The following TPD52L1 variants were observed in gnomAD, a reference collection of about 807,000 sequenced individuals.
TPD52L1 encodes the protein TPD52 like 1, also known as tumor protein D53.
TPD52L1 carries 18 observed loss-of-function variants against 28.7 expected under a neutral mutation model. The ratio of observed to expected loss-of-function variants is 0.63; its 90% confidence interval spans 0.43 to 0.93. The LOEUF (loss-of-function observed/expected upper bound fraction) is 0.93. Ranked by LOEUF, TPD52L1 falls within the 40% of genes least tolerant of loss-of-function variation. TPD52L1 has a pLI of 0.00. For missense variants in TPD52L1, 203 were observed against 254.8 expected, an observed-to-expected ratio of 0.80 and a Z score of 1.39; for synonymous variants, 75 against 88.8, an observed-to-expected ratio of 0.84 and a Z score of 0.88.
chr6:125,240,245 A>C (rs1796540678), intron 3 of TPD52L1, among the ~76,000 whole-genome samples: 1 of 152,196 alleles, frequency 6.6e-6, no homozygotes, highest in Non-Finnish European at 1.5e-5. Flanking sequence ...TATAGTTTGA[A>C]GTCTGGTAAT....
intron 1 of TPD52L1, among the ~76,000 whole-genome samples, chr6:125,172,548 AT>A (rs1562214892): frequency 2.8e-4 from 28 of 100,766 alleles, no homozygotes; most frequent in Admixed American, 3.5e-4. Flanking sequence ...ATATATATAT[AT>A]ATAATATATA....
chr6:125,254,213 A>T (rs1797453982), intron 5 of TPD52L1, among the ~76,000 whole-genome samples: 1 of 152,230 alleles, frequency 6.6e-6, no homozygotes, highest in South Asian at 2.1e-4. Flanking sequence ...TAGGATTTTT[A>T]AGGTGGATAT....
intron 4 of TPD52L1, among the ~76,000 whole-genome samples, chr6:125,249,130 T>C (rs1044582009): frequency 6.6e-6 from 1 of 150,982 alleles, no homozygotes; most frequent in African/African-American, 2.4e-5. Context: ...TTATATACAA[T>C]ATTATATACA....
intron 3 of TPD52L1, among the ~76,000 whole-genome samples, chr6:125,234,667 A>G (rs1192404054): frequency 6.6e-6 from 1 of 152,214 alleles, no homozygotes; most frequent in Non-Finnish European, 1.5e-5. Flanking sequence ...TTGTCAAGTC[A>G]ATCAAGGTAT....
At position 125,242,245 on chromosome 6, in the gene TPD52L1, G is replaced by A. The variant is rs181620273; in HGVS notation, c.285-6037G>A. On this transcript the variant is annotated intron_variant, in intron 3 of 6. Transcript: ENST00000534000. The stretch of plus-strand genomic sequence containing the variant: ...TATCTTAGAGAATGTTTCATGTGCT[G>A]ATGAAAAGAGTGTATACTGCAATTG... Among the ~76,000 whole-genome samples, 6 of 152,150 alleles carry A rather than the reference G, an allele frequency of 3.9e-5. No homozygotes were observed. In the East Asian group the frequency reaches 1.2e-3, roughly 29 times the overall value.
intron 1 of TPD52L1, among the ~76,000 whole-genome samples, chr6:125,177,496 A>G (rs1287441286): frequency 6.6e-6 from 1 of 152,194 alleles, no homozygotes; most frequent in East Asian, 1.9e-4. Context: ...AGCTGTAAGC[A>G]CTTGAGGGAT....
intron 1 of TPD52L1, among the ~76,000 whole-genome samples, chr6:125,163,088 T>G (rs1056626522): frequency 6.6e-6 from 1 of 152,152 alleles, no homozygotes; most frequent in African/African-American, 2.4e-5. Flanking sequence ...CTTGACATGG[T>G]GTCATCTTTT....
At chr6:125,185,190 A>C (rs554982) in intron 1 of TPD52L1, among the ~76,000 whole-genome samples, 44,216 of 152,094 alleles carry the variant, frequency 0.29, 6,572 homozygotes, top group Admixed American at 0.4. Context: ...ATGCAGGAAG[A>C]ATTGATTAAT....
chr6:125,243,870 C>G (rs1796766092), intron 3 of TPD52L1, among the ~76,000 whole-genome samples: 1 of 152,032 alleles, frequency 6.6e-6, no homozygotes, highest in African/African-American at 2.4e-5. Flanking sequence ...TTATAGAACC[C>G]TGGTTTGTTT....
chr6:125,185,484 AC>A (rs1378670587), intron 1 of TPD52L1, among the ~76,000 whole-genome samples: 1 of 152,164 alleles, frequency 6.6e-6, no homozygotes, highest in Non-Finnish European at 1.5e-5. Context: ...TTAAAATATA[AC>A]CAAAAATTTT....
rs150300217 is a variant in TPD52L1, at chr6:125,254,200, C to G, written c.425+445C>G. ...AAGGCTAAAGTTCTAGAGAGGATATCATTAGGATTTTTAAGGTGGATATTA... is the reference window on the plus strand; with the variant it reads ...AAGGCTAAAGTTCTAGAGAGGATATGATTAGGATTTTTAAGGTGGATATTA... On this transcript the variant is annotated intron_variant, in intron 5 of 6. Transcript: ENST00000534000. 1.7e-3 allele frequency among the ~76,000 whole-genome samples: 252 copies of G among 152,252 alleles called. 1 individual carries two copies. The highest frequency in any genetic ancestry group is 0.015 in the East Asian group (78 of 5,188).
At position 125,220,223 on chromosome 6, in the gene TPD52L1, T is replaced by G. The variant is rs1462374749; in HGVS notation, c.135+30T>G. The G allele has an allele frequency of 2.9e-6, 4 of 1,387,344 alleles. No individual in the cohort carries two copies. The Admixed American group carries it at 6.7e-5, about 23-fold the overall frequency. 85.9% of individuals were successfully genotyped at this position (1,387,344 alleles called of 1,614,324 possible). On this transcript the variant is annotated intron_variant, in intron 2 of 6. Coordinates refer to ENST00000534000, the MANE Select transcript of TPD52L1 (RefSeq NM_003287.4). ...GTTTAGTAATCTTATTGTTGCTATTTCTATCTCTGGATCTTAAGAGTTATT... is the reference window on the plus strand; with the variant it reads ...GTTTAGTAATCTTATTGTTGCTATTGCTATCTCTGGATCTTAAGAGTTATT...
chr6:125,252,047 C>A (rs1344325555), intron 4 of TPD52L1: 8 of 1,535,986 alleles, frequency 5.2e-6, no homozygotes, highest in Non-Finnish European at 7.0e-6. Flanking sequence ...GTAAGCGCCA[C>A]AGGGCTGCGT....
chr6:125,164,214 G>A (rs1183086239), intron 1 of TPD52L1, among the ~76,000 whole-genome samples: 4 of 152,100 alleles, frequency 2.6e-5, no homozygotes, highest in Non-Finnish European at 4.4e-5. Context: ...GGCTTTAAAC[G>A]GGCAGAATTT....
chr6:125,198,797 C>T (rs1200651893), intron 1 of TPD52L1, among the ~76,000 whole-genome samples: 1 of 152,052 alleles, frequency 6.6e-6, no homozygotes, highest in African/African-American at 2.4e-5. Flanking sequence ...CGAGACAGTG[C>T]TGATTGCCAC....
At chr6:125,211,580 C>T (rs1347998189) in intron 1 of TPD52L1, among the ~76,000 whole-genome samples, 1 of 152,146 alleles carries the variant, frequency 6.6e-6, no homozygotes, top group Non-Finnish European at 1.5e-5. Context: ...TTCCCTGATC[C>T]ACTCTCATCC....
chr6:125,214,482 A>C (rs1276385410), intron 1 of TPD52L1: 1 of 979,348 alleles, frequency 1.0e-6, no homozygotes, highest in Non-Finnish European at 1.2e-6. Flanking sequence ...TAGATATCTA[A>C]GGGGTATCTA....
intron 1 of TPD52L1, among the ~76,000 whole-genome samples, chr6:125,196,017 T>C (rs1182482068): frequency 2.0e-5 from 3 of 152,190 alleles, no homozygotes; most frequent in Non-Finnish European, 2.9e-5. Context: ...CCTTACATCA[T>C]ACTATATTAT....
chr6:125,172,533 T>TATATATATATATATAATATATATATA, intron 1 of TPD52L1, among the ~76,000 whole-genome samples: 1 of 90,928 alleles, frequency 1.1e-5, no homozygotes, highest in African/African-American at 5.1e-5. Flanking sequence ...TATATATATA[T>TATATATATATATATAATATATATATA]ATATATATAT....
Sources: allele counts gnomAD v4.1 joint callset (sites outside exome capture counted in the v4.1 genomes callset), GRCh38; gene constraint gnomAD v4.1.1; transcripts MANE v1.5; gene names NCBI Gene and HGNC (gene_info 2026-07-23, HGNC 2026-07-21).